NAV1: variants seen among roughly 807,000 people sequenced by gnomAD.
NAV1 encodes pore membrane and/or filament interacting like protein 3.
A neutral mutation model predicts 175.2 loss-of-function variants in NAV1; 18 were observed. The observed-to-expected ratio is 0.10, with a 90% CI of 0.07 to 0.15. The LOEUF (loss-of-function observed/expected upper bound fraction) is 0.15, where lower values mean the gene tolerates loss of function less well. Among genes scored for constraint, NAV1 ranks in the 10% least tolerant of loss-of-function variants. The pLI is 1.00. For synonymous variants in NAV1, 897 were observed against 978.7 expected, an observed-to-expected ratio of 0.92 and a Z score of 1.56; for missense variants, 1,731 against 2,436.6, an observed-to-expected ratio of 0.71 and a Z score of 6.10.
intron 1 of NAV1, among the ~76,000 whole-genome samples, chr1:201,553,103 G>GGAGCCCCA (rs1460217588): frequency 6.6e-6 from 1 of 152,252 alleles, no homozygotes; most frequent in Non-Finnish European, 1.5e-5. Flanking sequence ...TCTGGAAGGA[G>GGAGCCCCA]GAGCCGCAGA....
chr1:201,621,987 T>C (rs1668185843), upstream of NAV1, among the ~76,000 whole-genome samples: 1 of 152,174 alleles, frequency 6.6e-6, no homozygotes. Context: ...GGGTTGAAGA[T>C]ACAAGAGAGA....
exon 1 of NAV1, chr1:201,648,348 T>G: frequency 1.8e-5 from 20 of 1,141,330 alleles, no homozygotes; most frequent in East Asian, 8.6e-5. Context: ...CATCCTTCCT[T>G]TGACTGATTT....
chr1:201,723,663 T>G (rs1241544213), intron 3 of NAV1: 1 of 152,238 alleles, frequency 6.6e-6, no homozygotes, highest in Non-Finnish European at 1.5e-5. Flanking sequence ...TCTCAGTAAT[T>G]TTAGACTAGT....
At chr1:201,778,489 T>C (rs751390006) in intron 3 of NAV1, among the ~76,000 whole-genome samples, 1 of 152,210 alleles carries the variant, frequency 6.6e-6, no homozygotes, top group African/African-American at 2.4e-5. Context: ...AAAACCAGCA[T>C]TGATCTTTCC....
At chr1:201,756,723 C>T (rs1674482459) in intron 3 of NAV1, among the ~76,000 whole-genome samples, 2 of 152,240 alleles carry the variant, frequency 1.3e-5, no homozygotes, top group African/African-American at 2.4e-5. Context: ...TTTTCTTCTC[C>T]AGCACATCCC....
intron 1 of NAV1, among the ~76,000 whole-genome samples, chr1:201,586,639 G>T (rs1667036798): frequency 6.6e-6 from 1 of 152,076 alleles, no homozygotes; most frequent in Non-Finnish European, 1.5e-5. Context: ...CACACATGGG[G>T]GTGGGAGAGG....
At chr1:201,577,532 T>C (rs1046163934) in intron 1 of NAV1, among the ~76,000 whole-genome samples, 9 of 151,536 alleles carry the variant, frequency 5.9e-5, no homozygotes, top group Non-Finnish European at 1.2e-4. Flanking sequence ...CACCATTTGT[T>C]GGAAAAGCTG....
intron 2 of NAV1, among the ~76,000 whole-genome samples, chr1:201,592,891 C>T (rs7532945): frequency 0.058 from 8,838 of 152,074 alleles, 633 homozygotes; most frequent in African/African-American, 0.17. Flanking sequence ...GGATGCGGTT[C>T]GTGGCCCTCT....
At chr1:201,809,958 A>G (rs1678586338) in exon 23 of NAV1, 5 of 1,612,692 alleles carry the variant, frequency 3.1e-6, no homozygotes, top group Non-Finnish European at 3.4e-6. Context: ...CTATATTTCT[A>G]AAATGGACCC....
intron 3 of NAV1, among the ~76,000 whole-genome samples, chr1:201,774,139 C>G (rs553706690): frequency 2.4e-3 from 373 of 152,298 alleles, no homozygotes; most frequent in Non-Finnish European, 4.2e-3. Context: ...GCTCTCTTTT[C>G]TGTACTTGAG....
intron 3 of NAV1, among the ~76,000 whole-genome samples, chr1:201,745,922 T>C (rs981811855): frequency 4.6e-5 from 7 of 152,108 alleles, no homozygotes; most frequent in Non-Finnish European, 8.8e-5. Context: ...CACCTCTGCC[T>C]CCCAGCCTCA....
intron 1 of NAV1, among the ~76,000 whole-genome samples, chr1:201,541,571 C>T (rs983512191): frequency 1.3e-5 from 2 of 152,140 alleles, no homozygotes; most frequent in African/African-American, 2.4e-5. Flanking sequence ...GTCAGGAGTT[C>T]GAGACCAGCC....
At position 201,603,074 on chromosome 1, in the gene NAV1, G is replaced by A. The variant is rs536016679; in HGVS notation, c.-33+14425G>A. The stretch of plus-strand genomic sequence containing the variant: ...TCCTGCCTGCCGCCCCAGTCCTGGC[G>A]TGAACCTAGAAGCTGGTGAGACAGT... On this transcript the variant is annotated intron_variant, in intron 2 of 33. Coordinates refer to the NAV1 transcript ENST00000685211. 4.6e-5 allele frequency among the ~76,000 whole-genome samples: 7 copies of A among 152,304 alleles called. No individual in the cohort carries two copies. In the South Asian group the frequency reaches 1.2e-3, roughly 27 times the overall value.
chr1:201,589,306 T>C (rs1667124162), intron 2 of NAV1, among the ~76,000 whole-genome samples: 1 of 152,324 alleles, frequency 6.6e-6, no homozygotes, highest in East Asian at 1.9e-4. Context: ...AGAGAACGGT[T>C]GAAAATTCCC....
chr1:201,782,729 G>A lies in NAV1; in HGVS notation c.2217G>A (p.Glu739=), dbSNP rs1285977492. 2 of 1,614,046 alleles carry A rather than the reference G, an allele frequency of 1.2e-6. No individual in the cohort carries two copies. The highest frequency in any genetic ancestry group is 1.7e-6 in the Non-Finnish European group (2 of 1,180,030). The change falls in exon 6 of 30, where the codon GAG becomes GAA. Residue 739 remains glutamate (E), a synonymous_variant. Transcript: ENST00000367296. The surrounding 1 kb of genome is among the most constrained non-coding windows in gnomAD (Gnocchi z 5.4). ...TCAATCAGACAGATCGGGAAAAGGA[G>A]AAGGCCAAAGCCAAGGCAGTGGCCT...
At chr1:201,659,862 CTCTCT>C (rs1558044603) in intron 1 of NAV1, among the ~76,000 whole-genome samples, 4 of 152,014 alleles carry the variant, frequency 2.6e-5, no homozygotes, top group Non-Finnish European at 4.4e-5. Flanking sequence ...ACCTTCATCT[CTCTCT>C]GTTCCTTTAA....
chr1:201,608,553 G>C (rs16849156), intron 2 of NAV1, among the ~76,000 whole-genome samples: 5,914 of 152,272 alleles, frequency 0.039, 204 homozygotes, highest in African/African-American at 0.089. Context: ...TGCTCTCCTG[G>C]GTCTGCCCAG....
At chr1:201,544,934 C>A (rs1665625319) in intron 1 of NAV1, among the ~76,000 whole-genome samples, 1 of 152,204 alleles carries the variant, frequency 6.6e-6, no homozygotes, top group African/African-American at 2.4e-5. Context: ...ATAACTAAGA[C>A]TTGAACTCAA....
At chr1:201,693,196 G>C (rs896348534) in intron 1 of NAV1, among the ~76,000 whole-genome samples, 1 of 152,256 alleles carries the variant, frequency 6.6e-6, no homozygotes, top group Non-Finnish European at 1.5e-5. Flanking sequence ...GGCATTCAAA[G>C]ATAAATAGCA....
Sources: allele counts gnomAD v4.1 joint callset (sites outside exome capture counted in the v4.1 genomes callset), GRCh38; gene constraint gnomAD v4.1.1; non-coding constraint Gnocchi (gnomAD v3.1); transcripts MANE v1.5; gene names NCBI Gene and HGNC (gene_info 2026-07-23, HGNC 2026-07-21).